Variants in MECOM observed in about 807,000 individuals in gnomAD.
MECOM encodes the protein MDS1 and EVI1 complex locus, also known as histone-lysine N-methyltransferase MECOM.
Under a neutral mutation model 116.3 loss-of-function variants are expected in MECOM, and 13 were observed. The observed-to-expected ratio is 0.11, with a 90% CI of 0.07 to 0.18. The LOEUF is 0.18. Ranked by LOEUF, MECOM falls within the 10% of genes least tolerant of loss-of-function variation. The pLI is 1.00. For missense variants in MECOM, 1,299 were observed against 1,509.0 expected (o/e 0.86, Z 2.31); for synonymous variants, 528 against 535.2 (o/e 0.99, Z 0.19).
In MECOM at chr3:169,127,862, A is replaced by T; in HGVS notation, c.812T>A (p.Val271Asp). The T allele has an allele frequency of 6.2e-7, 1 of 1,613,888 alleles. No homozygotes were observed. Among genetic ancestry groups the T allele is most frequent in the African/African-American group, 1.3e-5 (1 of 75,022 alleles). The change falls in exon 5 of 17, where the codon GTT (valine) becomes GAT (aspartate). Residue 271 changes from valine (V) to aspartate (D), a missense_variant. By Grantham distance (152) the Val-to-Asp change is radical. Around this residue, in one of 6 missense-constraint regions of MECOM, gnomAD observed 374 missense variants for 433.4 expected, o/e 0.86. Coordinates refer to ENST00000651503, the MANE Select transcript of MECOM (RefSeq NM_004991.4). ...TIQECKECDQ[V>D]FPDLQSLEKH... ...TTCTAACCTTTGCAAATCAGGAAAA[A>T]CTTGGTCACATTCCTTACACTCCTG... is the stretch of plus-strand genomic sequence containing the variant.
At chr3:169,403,485 G>A (rs889346138) in intron 1 of MECOM, among the ~76,000 whole-genome samples, 4 of 152,086 alleles carry the variant, frequency 2.6e-5, no homozygotes, top group Non-Finnish European at 5.9e-5. Flanking sequence ...TTTTTTACAA[G>A]ACGTATTTTC....
chr3:169,565,577 G>T (rs944858710), intron 1 of MECOM, among the ~76,000 whole-genome samples: 1 of 152,148 alleles, frequency 6.6e-6, no homozygotes, highest in Admixed American at 6.5e-5. Flanking sequence ...GCCCAGCCAT[G>T]GCTTCCATCC....
chr3:169,616,265 C>T (rs1449815003), intron 1 of MECOM, among the ~76,000 whole-genome samples: 1 of 152,178 alleles, frequency 6.6e-6, no homozygotes, highest in Admixed American at 6.5e-5. Context: ...GAATTAAATT[C>T]TCACGAAGTT....
intron 1 of MECOM, among the ~76,000 whole-genome samples, chr3:169,423,852 G>C (rs2108517878): frequency 6.6e-6 from 1 of 152,190 alleles, no homozygotes; most frequent in South Asian, 2.1e-4. Context: ...TTTCTGATAT[G>C]AAATCCTCAT....
At chr3:169,093,801 T>C (rs1406582013) in intron 13 of MECOM, among the ~76,000 whole-genome samples, 1 of 152,174 alleles carries the variant, frequency 6.6e-6, no homozygotes, top group Non-Finnish European at 1.5e-5. Context: ...GTGGTTGAGC[T>C]TTACACCAAC....
chr3:169,347,485 G>A (rs992173859), intron 2 of MECOM, among the ~76,000 whole-genome samples: 2 of 151,866 alleles, frequency 1.3e-5, no homozygotes, highest in South Asian at 2.1e-4. Flanking sequence ...AGAGAGACAC[G>A]GAGTATTTAC....
intron 2 of MECOM, among the ~76,000 whole-genome samples, chr3:169,307,482 T>C (rs922654014): frequency 2.0e-5 from 3 of 152,018 alleles, no homozygotes; most frequent in Non-Finnish European, 4.4e-5. Context: ...GCTGAGAGGA[T>C]TGCTTGAGCC....
intron 2 of MECOM, among the ~76,000 whole-genome samples, chr3:169,174,148 C>T (rs1474028228): frequency 6.6e-6 from 1 of 152,174 alleles, no homozygotes; most frequent in African/African-American, 2.4e-5. Flanking sequence ...TTTTGGTATG[C>T]TTCCACAGTT....
intron 1 of MECOM, among the ~76,000 whole-genome samples, chr3:169,434,637 A>G (rs539610227): frequency 1.6e-3 from 251 of 152,278 alleles, no homozygotes; most frequent in African/African-American, 5.9e-3. Flanking sequence ...ACACCTCACA[A>G]CATTGTACAT....
chr3:169,403,057 G>C (rs139128451), intron 1 of MECOM, among the ~76,000 whole-genome samples: 36 of 152,344 alleles, frequency 2.4e-4, no homozygotes, highest in African/African-American at 8.4e-4. Flanking sequence ...AATTTGTTAA[G>C]ATGATTTTTA....
At chr3:169,204,532 C>T (rs1368850544) in intron 2 of MECOM, among the ~76,000 whole-genome samples, 1 of 152,142 alleles carries the variant, frequency 6.6e-6, no homozygotes, top group East Asian at 1.9e-4. Flanking sequence ...AGCAAATTTA[C>T]AAGGGAACTG....
chr3:169,423,306 G>A (rs866828637), intron 1 of MECOM, among the ~76,000 whole-genome samples: 7 of 152,110 alleles, frequency 4.6e-5, no homozygotes, highest in Middle Eastern at 6.8e-3. Context: ...AGAAAAATTG[G>A]TACTTTGCAT....
At chr3:169,654,752 A>T (rs1453629505) in intron 1 of MECOM, among the ~76,000 whole-genome samples, 1 of 151,998 alleles carries the variant, frequency 6.6e-6, no homozygotes, top group Admixed American at 6.6e-5. Flanking sequence ...GTTGTAAAAG[A>T]CTATTTTTCC....
chr3:169,501,409 T>C (rs1754506531), intron 1 of MECOM, among the ~76,000 whole-genome samples: 1 of 152,052 alleles, frequency 6.6e-6, no homozygotes, highest in South Asian at 2.1e-4. Flanking sequence ...GCATTTTACA[T>C]TCAAGATATA....
chr3:169,532,123 C>T (rs570902626), intron 1 of MECOM, among the ~76,000 whole-genome samples: 4 of 152,214 alleles, frequency 2.6e-5, no homozygotes, highest in Admixed American at 6.5e-5. Flanking sequence ...ATCCCACTTT[C>T]CCTAGACCAG....
At chr3:169,091,635 GCA>G (rs150542980) in intron 14 of MECOM, among the ~76,000 whole-genome samples, 4 of 150,908 alleles carry the variant, frequency 2.7e-5, no homozygotes, top group South Asian at 2.1e-4. Context: ...AGACAGACAC[GCA>G]CACACACACA....
At chr3:169,453,582 G>T (rs187401253) in intron 1 of MECOM, among the ~76,000 whole-genome samples, 90 of 152,222 alleles carry the variant, frequency 5.9e-4, no homozygotes, top group Non-Finnish European at 1.0e-3. Context: ...TGGGGTTAAG[G>T]CATAATCAAT....
chr3:169,445,594 G>T (rs1158932258), intron 1 of MECOM, among the ~76,000 whole-genome samples: 1 of 152,176 alleles, frequency 6.6e-6, no homozygotes, highest in Non-Finnish European at 1.5e-5. Flanking sequence ...GGAAATGTGG[G>T]GTCACAGCCC....
Position 169,420,600 on chromosome 3 carries a change from G to T in MECOM, c.38-39076C>A, listed in dbSNP as rs182029073. On this transcript the variant is annotated intron_variant, in intron 1 of 16. Coordinates refer to ENST00000651503, the MANE Select transcript of MECOM (RefSeq NM_004991.4). ...ATAGGGAATGGCAGTTTCCTCCACGGACACAATTATAGGTAGTGAAAAGGG... is the reference window on the plus strand; with the variant it reads ...ATAGGGAATGGCAGTTTCCTCCACGTACACAATTATAGGTAGTGAAAAGGG... 5.9e-4 allele frequency among the ~76,000 whole-genome samples: 90 copies of T among 152,210 alleles called. 1 individual carries two copies. The Middle Eastern group carries it at 0.02, about 35-fold the overall frequency.
Sources: gnomAD v4.1 joint callset for allele counts (sites outside exome capture counted in the v4.1 genomes callset) on GRCh38, gnomAD v4.1.1 for gene constraint, gnomAD v4.1.1 regional missense constraint, MANE v1.5 for transcripts, NCBI Gene and HGNC (gene_info 2026-07-23, HGNC 2026-07-21) for gene names.